The following DDAH1 variants were observed in gnomAD, a reference collection of about 807,000 sequenced individuals.
DDAH1 encodes the protein N(G),N(G)-dimethylarginine dimethylaminohydrolase 1.
Under a neutral mutation model 28.8 loss-of-function variants are expected in DDAH1, and 19 were observed. That is an observed-to-expected ratio of 0.66 (90% CI 0.46 to 0.97). The LOEUF (loss-of-function observed/expected upper bound fraction) is 0.97, where lower values mean the gene tolerates loss of function less well. DDAH1 is among the 50% of genes least tolerant of loss of function. DDAH1 has a pLI of 0.00. For synonymous variants in DDAH1, 153 were observed against 154.4 expected (o/e 0.99, Z 0.07); for missense variants, 326 against 375.9 (o/e 0.87, Z 1.10).
intron 1 of DDAH1, among the ~76,000 whole-genome samples, chr1:85,505,772 A>G (rs570645086): frequency 3.3e-5 from 5 of 152,214 alleles, no homozygotes; most frequent in Non-Finnish European, 7.3e-5. Flanking sequence ...AACTAAACTT[A>G]TTTACCTGAC....
intron 1 of DDAH1, among the ~76,000 whole-genome samples, chr1:85,449,632 G>A (rs751950098): frequency 6.6e-6 from 1 of 152,116 alleles, no homozygotes; most frequent in Non-Finnish European, 1.5e-5. Context: ...CGATACTGCT[G>A]TTGTTTATTG....
At chr1:85,343,881 CAA>C (rs770088723) in intron 4 of DDAH1, among the ~76,000 whole-genome samples, 82 of 152,230 alleles carry the variant, frequency 5.4e-4, no homozygotes, top group East Asian at 1.2e-3. Context: ...TGAGTCAAAA[CAA>C]GAGGAAATAC....
intron 1 of DDAH1, among the ~76,000 whole-genome samples, chr1:85,506,882 C>T (rs2100745933): frequency 6.6e-6 from 1 of 152,166 alleles, no homozygotes; most frequent in Non-Finnish European, 1.5e-5. Context: ...GAGGCCACCA[C>T]AAAGGTTCAG....
rs747646116 is a variant in DDAH1, at chr1:85,324,730, A to AT, written c.741+9dup. The AT allele has an allele frequency of 8.1e-6, 13 of 1,613,966 alleles. No homozygotes were observed. Among genetic ancestry groups the AT allele is most frequent in the Middle Eastern group, 1.7e-4 (1 of 6,056 alleles). On this transcript the variant is annotated intron_variant, in intron 5 of 5. Coordinates refer to ENST00000284031, the MANE Select transcript of DDAH1 (RefSeq NM_012137.4). ...CCCAGCTGCAGTGGTCAGAAGGGAT[A>AT]TTTTTTTACCTTTGCACTTTCTGGA... is the stretch of plus-strand genomic sequence containing the variant.
At chr1:85,429,388 G>A (rs1033485793) in intron 1 of DDAH1, among the ~76,000 whole-genome samples, 16 of 152,112 alleles carry the variant, frequency 1.1e-4, no homozygotes, top group Admixed American at 3.3e-4. Context: ...GTGTATATGT[G>A]CCACATTTTC....
intron 1 of DDAH1, among the ~76,000 whole-genome samples, chr1:85,505,146 C>T (rs907633792): frequency 3.3e-5 from 5 of 151,722 alleles, no homozygotes; most frequent in East Asian, 1.9e-4. Flanking sequence ...CCACCATGCC[C>T]GGCTGATTTT....
intron 2 of DDAH1, among the ~76,000 whole-genome samples, chr1:85,481,524 A>G (rs978822014): frequency 6.6e-6 from 1 of 152,232 alleles, no homozygotes; most frequent in African/African-American, 2.4e-5. Flanking sequence ...CATGTGAATG[A>G]TATCACTTAA....
At chr1:85,322,954 G>A (rs376246197) in intron 5 of DDAH1, among the ~76,000 whole-genome samples, 6 of 152,214 alleles carry the variant, frequency 3.9e-5, no homozygotes. Context: ...TAGGGTGGGG[G>A]TCCAGGAACT....
intron 1 of DDAH1, among the ~76,000 whole-genome samples, chr1:85,408,372 T>C (rs1438853762): frequency 1.3e-5 from 2 of 152,096 alleles, no homozygotes; most frequent in African/African-American, 2.4e-5. Flanking sequence ...GAGGTAACCA[T>C]GTTTATCAAT....
At chr1:85,412,413 C>A (rs1313741377) in intron 1 of DDAH1, among the ~76,000 whole-genome samples, 1 of 152,230 alleles carries the variant, frequency 6.6e-6, no homozygotes. Flanking sequence ...CCCCTTCACT[C>A]AACACAAGAC....
intron 1 of DDAH1, among the ~76,000 whole-genome samples, chr1:85,419,356 T>C (rs1258862219): frequency 2.0e-5 from 3 of 151,754 alleles, no homozygotes; most frequent in Non-Finnish European, 4.4e-5. Context: ...CTGACCAATA[T>C]GATGAAGCCC....
intron 1 of DDAH1, among the ~76,000 whole-genome samples, chr1:85,430,894 G>A (rs1394558859): frequency 6.6e-6 from 1 of 152,130 alleles, no homozygotes; most frequent in African/African-American, 2.4e-5. Context: ...TCTTTCTCTT[G>A]CCTGATTTCC....
intron 2 of DDAH1, among the ~76,000 whole-genome samples, chr1:85,487,317 C>A (rs932392800): frequency 6.6e-6 from 1 of 152,214 alleles, no homozygotes; most frequent in African/African-American, 2.4e-5. Flanking sequence ...CTGGCAGTAG[C>A]CAACGCAGAT....
At chr1:85,360,194 A>T (rs925262533) in intron 1 of DDAH1, among the ~76,000 whole-genome samples, 1 of 152,244 alleles carries the variant, frequency 6.6e-6, no homozygotes, top group African/African-American at 2.4e-5. Context: ...CCTGACATTC[A>T]TGCATTCAAA....
chr1:85,330,057 C>T (rs1407010012), intron 4 of DDAH1, among the ~76,000 whole-genome samples: 1 of 152,192 alleles, frequency 6.6e-6, no homozygotes, highest in Non-Finnish European at 1.5e-5. Flanking sequence ...TTGTTATTGT[C>T]TGAATAAGCT....
intron 1 of DDAH1, among the ~76,000 whole-genome samples, chr1:85,392,174 T>G (rs942996046): frequency 3.3e-5 from 5 of 152,178 alleles, no homozygotes; most frequent in Non-Finnish European, 5.9e-5. Flanking sequence ...TCAAGGTATC[T>G]GCAGGGTTGG....
At chr1:85,534,466 T>A (rs1658200414) in intron 1 of DDAH1, among the ~76,000 whole-genome samples, 1 of 152,286 alleles carries the variant, frequency 6.6e-6, no homozygotes, top group South Asian at 2.1e-4. Context: ...ACACACATAC[T>A]TTTTTGAAAA....
intron 1 of DDAH1, among the ~76,000 whole-genome samples, chr1:85,417,865 T>C (rs1268425548): frequency 2.0e-5 from 3 of 152,228 alleles, no homozygotes; most frequent in Non-Finnish European, 4.4e-5. Flanking sequence ...GGCAATTCAT[T>C]GTCAAGCTGA....
At chr1:85,508,776 C>T (rs1453783423) in intron 1 of DDAH1, among the ~76,000 whole-genome samples, 1 of 152,360 alleles carries the variant, frequency 6.6e-6, no homozygotes, top group East Asian at 1.9e-4. Flanking sequence ...GGAGGGGTGT[C>T]CACCATTGCT....
Sources: allele counts gnomAD v4.1 joint callset (sites outside exome capture counted in the v4.1 genomes callset), GRCh38; gene constraint gnomAD v4.1.1; transcripts MANE v1.5; gene names NCBI Gene and HGNC (gene_info 2026-07-23, HGNC 2026-07-21).